The following GRM8 variants were observed in gnomAD, a reference collection of about 807,000 sequenced individuals.
The protein encoded by GRM8 is glutamate metabotropic receptor 8, also known as metabotropic glutamate receptor 8.
Under a neutral mutation model 87.2 loss-of-function variants are expected in GRM8, and 47 were observed. That is an observed-to-expected ratio of 0.54 (90% CI 0.43 to 0.69). The LOEUF (loss-of-function observed/expected upper bound fraction) is 0.69. Among genes scored for constraint, GRM8 ranks in the 30% least tolerant of loss-of-function variants. The pLI is 0.00. For missense variants in GRM8, 1,019 were observed against 1,139.2 expected, an observed-to-expected ratio of 0.89 and a Z score of 1.52; for synonymous variants, 396 against 404.5, an observed-to-expected ratio of 0.98 and a Z score of 0.25.
chr7:127,024,069 T>A (rs1160351445), intron 3 of GRM8, among the ~76,000 whole-genome samples: 1 of 152,102 alleles, frequency 6.6e-6, no homozygotes, highest in South Asian at 2.1e-4. Flanking sequence ...GTAGCTTTTT[T>A]AAAAGAGGGA....
chr7:127,039,412 G>A (rs937574522), intron 3 of GRM8, among the ~76,000 whole-genome samples: 6 of 152,052 alleles, frequency 3.9e-5, no homozygotes, highest in African/African-American at 1.2e-4. Flanking sequence ...CCCTGCCAAC[G>A]CCTTGATCTC....
At chr7:126,569,610 G>T (rs757951266) in intron 8 of GRM8, among the ~76,000 whole-genome samples, 2 of 152,156 alleles carry the variant, frequency 1.3e-5, no homozygotes, top group African/African-American at 4.8e-5. Flanking sequence ...GGGAGGAAGC[G>T]TTCTGTAGGA....
intron 3 of GRM8, among the ~76,000 whole-genome samples, chr7:126,971,707 G>A (rs1040420501): frequency 1.3e-5 from 2 of 152,242 alleles, no homozygotes; most frequent in South Asian, 2.1e-4. Flanking sequence ...GGAGGTTGTC[G>A]GCAGGTTTTG....
At chr7:127,038,102 T>C (rs1818017132) in intron 3 of GRM8, among the ~76,000 whole-genome samples, 1 of 152,222 alleles carries the variant, frequency 6.6e-6, no homozygotes, top group African/African-American at 2.4e-5. Context: ...AATGTTGTTT[T>C]CTGTCAGTTG....
chr7:126,643,859 C>A (rs1243259174), intron 7 of GRM8, among the ~76,000 whole-genome samples: 1 of 152,236 alleles, frequency 6.6e-6, no homozygotes, highest in East Asian at 1.9e-4. Flanking sequence ...ATCAGAAGCA[C>A]AGGCTTTGGA....
At chr7:126,803,829 T>C (rs1792366363) in intron 6 of GRM8, among the ~76,000 whole-genome samples, 1 of 152,322 alleles carries the variant, frequency 6.6e-6, no homozygotes, top group Non-Finnish European at 1.5e-5. Flanking sequence ...CTCTATAACA[T>C]AGTGTTAAGG....
chr7:126,621,844 T>C (rs1800213390), intron 7 of GRM8, among the ~76,000 whole-genome samples: 1 of 152,148 alleles, frequency 6.6e-6, no homozygotes. Flanking sequence ...GGACACCACC[T>C]TCCATCCTCA....
intron 3 of GRM8, among the ~76,000 whole-genome samples, chr7:126,910,850 T>A (rs1480611139): frequency 2.0e-5 from 3 of 152,164 alleles, no homozygotes; most frequent in Non-Finnish European, 4.4e-5. Flanking sequence ...TGCTAGTGCA[T>A]AGAGATGGTG....
At chr7:127,195,543 T>C (rs559712071) in intron 2 of GRM8, among the ~76,000 whole-genome samples, 2 of 152,172 alleles carry the variant, frequency 1.3e-5, no homozygotes, top group Non-Finnish European at 1.5e-5. Context: ...TTCAGACCTG[T>C]TGAATTACTT....
chr7:126,621,603 G>A (rs1034556296), intron 7 of GRM8, among the ~76,000 whole-genome samples: 1 of 151,974 alleles, frequency 6.6e-6, no homozygotes, highest in Non-Finnish European at 1.5e-5. Flanking sequence ...AGTTTTAGTA[G>A]AGACAGGGTT....
chr7:127,149,041 T>C (rs1828703719), intron 2 of GRM8, among the ~76,000 whole-genome samples: 1 of 151,724 alleles, frequency 6.6e-6, no homozygotes, highest in Admixed American at 6.6e-5. Context: ...GGATATCACA[T>C]GAAAAGGTCA....
rs1343682343 is a variant in GRM8, at chr7:126,532,952, C to T, written c.2430G>A (p.Lys810=). The change falls in exon 9 of 11, where the codon AAG becomes AAA. Residue 810 remains lysine, a splice_region_variant and synonymous_variant. Coordinates refer to ENST00000339582, the MANE Select transcript of GRM8 (RefSeq NM_000845.3). ...GTCAAGTGTATTTCCTTCTACTTACCTTTTCTGCTGACTGGGCTGTACCAA... is the reference window on the plus strand; with the variant it reads ...GTCAAGTGTATTTCCTTCTACTTACTTTTTCTGCTGACTGGGCTGTACCAA... ...IFFGTAQSAE[K]MYIQTTTLTV... 1.3e-6 allele frequency: 2 copies of T among 1,591,430 alleles called. No homozygotes were observed. The highest frequency in any genetic ancestry group is 8.6e-7 in the Non-Finnish European group (1 of 1,165,926).
intron 2 of GRM8, among the ~76,000 whole-genome samples, chr7:127,236,320 A>G (rs1328589998): frequency 6.6e-6 from 1 of 152,244 alleles, no homozygotes; most frequent in Non-Finnish European, 1.5e-5. Context: ...TCTCCCTATT[A>G]GTCTGCTTTC....
intron 7 of GRM8, among the ~76,000 whole-genome samples, chr7:126,654,229 C>T (rs1804254864): frequency 6.6e-6 from 1 of 152,192 alleles, no homozygotes; most frequent in Non-Finnish European, 1.5e-5. Context: ...TATGGTTATA[C>T]TGATCGCCCC....
At chr7:126,914,521 G>A (rs1586437783) in intron 3 of GRM8, among the ~76,000 whole-genome samples, 1 of 152,248 alleles carries the variant, frequency 6.6e-6, no homozygotes, top group East Asian at 1.9e-4. Context: ...ATCAACCTAG[G>A]TGCCCATCAG....
intron 7 of GRM8, among the ~76,000 whole-genome samples, chr7:126,734,488 C>A (rs1813973555): frequency 6.6e-6 from 1 of 151,034 alleles, no homozygotes; most frequent in Non-Finnish European, 1.5e-5. Context: ...GTAATATATT[C>A]TTAATATTTC....
At chr7:126,999,657 A>G (rs940754193) in intron 3 of GRM8, among the ~76,000 whole-genome samples, 13 of 152,008 alleles carry the variant, frequency 8.6e-5, no homozygotes, top group African/African-American at 3.1e-4. Flanking sequence ...ACTGATCATC[A>G]GAGAAATGTA....
At chr7:127,132,637 C>G (rs1310049551) in intron 2 of GRM8, among the ~76,000 whole-genome samples, 1 of 152,004 alleles carries the variant, frequency 6.6e-6, no homozygotes. Flanking sequence ...CAGATAGGCA[C>G]TTTCTGAGAA....
At chr7:126,802,930 G>A (rs902743646) in intron 6 of GRM8, among the ~76,000 whole-genome samples, 2 of 152,130 alleles carry the variant, frequency 1.3e-5, no homozygotes, top group Non-Finnish European at 2.9e-5. Flanking sequence ...ATATAAATAA[G>A]CTAATAGACT....
Sources: allele counts gnomAD v4.1 joint callset (sites outside exome capture counted in the v4.1 genomes callset), GRCh38; gene constraint gnomAD v4.1.1; transcripts MANE v1.5; gene names NCBI Gene and HGNC (gene_info 2026-07-23, HGNC 2026-07-21).